Variants in ANO3 observed in about 807,000 individuals in gnomAD.
ANO3 encodes the protein anoctamin-3.
Under a neutral mutation model 144.8 loss-of-function variants are expected in ANO3, and 99 were observed. That is an observed-to-expected ratio of 0.68 (90% CI 0.58 to 0.81). ANO3 has a LOEUF of 0.81. Ranked by LOEUF, ANO3 falls within the 30% of genes least tolerant of loss-of-function variation. ANO3 has a pLI of 0.00. For missense variants in ANO3, 905 were observed against 1,202.2 expected (o/e 0.75, Z 3.66); for synonymous variants, 414 against 392.6 (o/e 1.05, Z -0.64).
At chr11:26,656,505 A>T (rs1338759862) in intron 26 of ANO3, 24 bp downstream of exon 26, 2 of 1,363,226 alleles carry the variant, frequency 1.5e-6, no homozygotes, top group Non-Finnish European at 2.1e-6. Context: ...TGAGATGAAA[A>T]TTACTATAGA....
chr11:26,349,000 T>C (rs2133909823), intron 1 of ANO3, among the ~76,000 whole-genome samples: 1 of 152,314 alleles, frequency 6.6e-6, no homozygotes, highest in Middle Eastern at 3.4e-3. Context: ...TTTCGAAACT[T>C]GTTACCAGGG....
At chr11:26,652,210 G>A (rs183109378) in intron 24 of ANO3, among the ~76,000 whole-genome samples, 6 of 152,312 alleles carry the variant, frequency 3.9e-5, no homozygotes, top group Admixed American at 6.5e-5. Context: ...CACATACTTT[G>A]TGTGGACCTG....
chr11:26,629,274 A>C (rs1321216823), intron 18 of ANO3, among the ~76,000 whole-genome samples: 3 of 152,286 alleles, frequency 2.0e-5, no homozygotes, highest in Middle Eastern at 3.4e-3. Flanking sequence ...GTAAAATCAT[A>C]GTAATCTTTT....
chr11:26,551,275 A>G (rs1849924213), intron 12 of ANO3, among the ~76,000 whole-genome samples: 1 of 151,994 alleles, frequency 6.6e-6, no homozygotes, highest in Non-Finnish European at 1.5e-5. Flanking sequence ...CTTGATGTGT[A>G]TATTTAGCAA....
intron 14 of ANO3, among the ~76,000 whole-genome samples, chr11:26,562,305 T>C (rs1010398316): frequency 2.6e-5 from 4 of 151,914 alleles, no homozygotes; most frequent in Non-Finnish European, 4.4e-5. Context: ...GAGAAATATA[T>C]CAGTTATATC....
rs775627142 is a variant in ANO3 at position 26,534,501 on chromosome 11, A to G, written c.915A>G (p.Arg305=). ...NKDTFFSNAT[R]SRIVYHMLER... The stretch of plus-strand genomic sequence containing the variant: ...ACACCTTCTTCAGCAATGCTACTCG[A>G]AGCAGAATAGTCTATCACATGCTGG... The change falls in exon 9 of 27, where the codon CGA becomes CGG. Residue 305 remains arginine, a synonymous_variant. Transcript: ENST00000256737. The G allele has an allele frequency of 4.3e-6, 7 of 1,613,404 alleles. No homozygotes were observed. The South Asian group carries it at 5.5e-5, about 13-fold the overall frequency.
At chr11:26,440,872 A>G (rs945660149) in intron 1 of ANO3, among the ~76,000 whole-genome samples, 5 of 152,140 alleles carry the variant, frequency 3.3e-5, no homozygotes, top group Admixed American at 6.5e-5. Flanking sequence ...ACTGAGGTTT[A>G]GAGTGCCAAG....
At chr11:26,494,854 A>T (rs902504495) in intron 4 of ANO3, among the ~76,000 whole-genome samples, 2 of 152,120 alleles carry the variant, frequency 1.3e-5, no homozygotes, top group Admixed American at 1.3e-4. Context: ...CATGATTTGA[A>T]TATGTATGTC....
chr11:26,194,495 ATTTAT>A lies in ANO3; in HGVS notation c.154+5168_154+5172del, dbSNP rs1330107225. Among the ~76,000 whole-genome samples, 54 of 38,576 alleles carry A rather than the reference ATTTAT, an allele frequency of 1.4e-3. 1 individual carries two copies. Among genetic ancestry groups the A allele is most frequent in the African/African-American group, 5.9e-3 (51 of 8,658 alleles). The allele number at this position is 38,576 out of a possible 152,430, so 25.3% of individuals were successfully genotyped here. ...GTGTGTGTGTGTGTGTGTATTATTT[ATTTAT>A]TTATTTATTTATTATTTGAGATGGA... On this transcript the variant is annotated intron_variant, in intron 1 of 27. Transcript: ENST00000672621.
chr11:26,637,908 G>A (rs1233132167), intron 20 of ANO3, among the ~76,000 whole-genome samples: 1 of 152,194 alleles, frequency 6.6e-6, no homozygotes, highest in Non-Finnish European at 1.5e-5. Context: ...ACAGACCCAC[G>A]CCTTCCCACC....
At chr11:26,599,521 G>T (rs887112908) in intron 16 of ANO3, 29 bp from the exon 17 acceptor site, 7 of 1,594,770 alleles carry the variant, frequency 4.4e-6, no homozygotes, top group South Asian at 2.3e-5. Context: ...GTAAAATATG[G>T]ATGTTTTTTC....
chr11:26,503,193 C>T (rs1467268384), intron 4 of ANO3, among the ~76,000 whole-genome samples: 1 of 152,116 alleles, frequency 6.6e-6, no homozygotes, highest in African/African-American at 2.4e-5. Flanking sequence ...GAATTTTATT[C>T]TGTCCCCTAG....
At chr11:26,639,019 T>C (rs1853058141) in intron 20 of ANO3, 125 bp from the exon 21 acceptor site, 3 of 620,030 alleles carry the variant, frequency 4.8e-6, no homozygotes, top group African/African-American at 1.9e-5. Flanking sequence ...TTCTTGTTTT[T>C]ATTTTCTTTA....
chr11:26,435,543 G>T (rs1416630126), intron 1 of ANO3, among the ~76,000 whole-genome samples: 1 of 152,176 alleles, frequency 6.6e-6, no homozygotes, highest in African/African-American at 2.4e-5. Context: ...GTGATTCATA[G>T]ATTTGGTCTC....
intron 17 of ANO3, among the ~76,000 whole-genome samples, chr11:26,602,713 T>C (rs1851835275): frequency 6.6e-6 from 1 of 150,382 alleles, no homozygotes; most frequent in Non-Finnish European, 1.5e-5. Flanking sequence ...ATCACCCCAC[T>C]GTACTCCAGC....
intron 1 of ANO3, among the ~76,000 whole-genome samples, chr11:26,406,081 A>G (rs774802561): frequency 7.2e-5 from 11 of 151,922 alleles, no homozygotes; most frequent in Non-Finnish European, 1.3e-4. Context: ...GTCACAGTCC[A>G]TTTGTGGTGC....
chr11:26,563,202 A>G, intron 14 of ANO3: 1 of 1,612,558 alleles, frequency 6.2e-7, no homozygotes, highest in Non-Finnish European at 8.5e-7. Flanking sequence ...CACAAGAGTA[A>G]GCAATGAGAC....
chr11:26,218,778 G>A (rs1283758829), intron 1 of ANO3, among the ~76,000 whole-genome samples: 2 of 152,242 alleles, frequency 1.3e-5, no homozygotes, highest in East Asian at 1.9e-4. Context: ...AAATATAAAA[G>A]CCTGTAGCCC....
chr11:26,259,665 A>C (rs575882880), intron 1 of ANO3, among the ~76,000 whole-genome samples: 162 of 134,440 alleles, frequency 1.2e-3, no homozygotes, highest in African/African-American at 3.9e-3. Flanking sequence ...GAGACTCCAT[A>C]AAAAAAAAAA....
Sources: gnomAD v4.1 joint callset for allele counts (sites outside exome capture counted in the v4.1 genomes callset) on GRCh38, gnomAD v4.1.1 for gene constraint, MANE v1.5 for transcripts, NCBI Gene and HGNC (gene_info 2026-07-23, HGNC 2026-07-21) for gene names.